Variants in PTPN3 observed in about 807,000 individuals in gnomAD.
PTPN3 encodes protein tyrosine phosphatase non-receptor type 3.
PTPN3 carries 96 observed loss-of-function variants against 132.7 expected under a neutral mutation model. The observed-to-expected ratio is 0.72, with a 90% CI of 0.61 to 0.86. PTPN3 has a LOEUF of 0.86. Ranked by LOEUF, PTPN3 falls within the 40% of genes least tolerant of loss-of-function variation. The pLI, the probability that PTPN3 is intolerant of heterozygous loss-of-function variation, is 0.00. For synonymous variants in PTPN3, 398 were observed against 429.0 expected (o/e 0.93, Z 0.89); for missense variants, 1,125 against 1,159.6 (o/e 0.97, Z 0.43).
upstream of PTPN3, chr9:109,498,362 G>T (rs1847785676): frequency 6.8e-6 from 1 of 146,486 alleles, no homozygotes; most frequent in Admixed American, 6.8e-5. This position sits in a 1 kb window ranked among gnomAD's most constrained non-coding sequence, Gnocchi z 4.2. Context: ...TGGCCGCGAC[G>T]GGCCCGCGCG....
intron 14 of PTPN3, among the ~76,000 whole-genome samples, chr9:109,418,475 C>T (rs1418496088): frequency 6.6e-6 from 1 of 152,234 alleles, no homozygotes; most frequent in South Asian, 2.1e-4. Context: ...TGGTGTGGAG[C>T]GCCCAGACTG....
Position 109,383,456 on chromosome 9 carries a change from A to G in PTPN3, c.2349T>C (p.Tyr783=). The G allele has an allele frequency of 2.5e-6, 4 of 1,614,048 alleles. No individual in the cohort carries two copies. Among genetic ancestry groups the G allele is most frequent in the Non-Finnish European group, 3.4e-6 (4 of 1,179,992 alleles). Reference sequence around the variant, plus strand: ...TTGTGACCAGCATTTCTCGGGACACATAGGCGATGGTGCAGTCCTCTGACT... The same window carrying G: ...TTGTGACCAGCATTTCTCGGGACACGTAGGCGATGGTGCAGTCCTCTGACT... ...QCQSEDCTIA[Y]VSREMLVTNT... Residue 783 remains tyrosine (Y), a synonymous_variant, in exon 23 of 26, where the codon TAT becomes TAC. Transcript: ENST00000374541.
chr9:109,450,171 T>C, intron 5 of PTPN3: 1 of 985,134 alleles, frequency 1.0e-6, no homozygotes, highest in Non-Finnish European at 1.2e-6. Context: ...ACTTTGATTA[T>C]AATTAACTAC....
At chr9:109,397,299 A>G (rs1840683149) in intron 19 of PTPN3, among the ~76,000 whole-genome samples, 1 of 152,252 alleles carries the variant, frequency 6.6e-6, no homozygotes, top group Non-Finnish European at 1.5e-5. Context: ...TGCCTGGCAC[A>G]TAGTAGGTGC....
intron 22 of PTPN3, among the ~76,000 whole-genome samples, chr9:109,388,051 C>A (rs1445069125): frequency 5.3e-5 from 8 of 152,150 alleles, no homozygotes; most frequent in African/African-American, 1.7e-4. Context: ...CGGGGGTGGA[C>A]TCCAGCCAGC....
At chr9:109,422,665 A>C (rs1195196290) in intron 13 of PTPN3, 53 bp downstream of exon 13, 1 of 1,501,072 alleles carries the variant, frequency 6.7e-7, no homozygotes, top group Non-Finnish European at 9.0e-7. Context: ...TTTTTAAAAG[A>C]GATAAAGTGT....
the PTPN3 span, among the ~76,000 whole-genome samples, chr9:109,523,331 G>T: frequency 6.6e-6 from 1 of 152,032 alleles, no homozygotes; most frequent in Non-Finnish European, 1.5e-5. Flanking sequence ...AGCCAGGATG[G>T]TCTCCATCTC....
Position 109,379,443 on chromosome 9 carries a change from G to T in PTPN3, c.*113C>A. On this transcript the variant is annotated 3_prime_UTR_variant, in exon 26 of 26. Coordinates refer to ENST00000374541, the MANE Select transcript of PTPN3 (RefSeq NM_002829.4). ...GTTTAAAGTGCCTGGGTTCAGAGGTGCCCATTCCTTTCCCACAGCTACTGG... is the reference window on the plus strand; with the variant it reads ...GTTTAAAGTGCCTGGGTTCAGAGGTTCCCATTCCTTTCCCACAGCTACTGG... 2.2e-6 allele frequency: 2 copies of T among 899,568 alleles called. No homozygotes were observed. Among genetic ancestry groups the T allele is most frequent in the African/African-American group, 1.6e-5 (1 of 60,638 alleles). The allele number at this position is 899,568 out of a possible 1,614,324, so 55.7% of individuals were successfully genotyped here.
chr9:109,483,611 G>A (rs555994160), intron 1 of PTPN3, among the ~76,000 whole-genome samples: 1 of 152,292 alleles, frequency 6.6e-6, no homozygotes, highest in East Asian at 1.9e-4. Flanking sequence ...TAACTGTGAA[G>A]CCAGACTGTG....
At chr9:109,414,499 G>A (rs1327854567) in intron 14 of PTPN3, among the ~76,000 whole-genome samples, 1 of 152,196 alleles carries the variant, frequency 6.6e-6, no homozygotes, top group Non-Finnish European at 1.5e-5. Flanking sequence ...CCTCACATAA[G>A]GGTCCTTGAG....
intron 5 of PTPN3, among the ~76,000 whole-genome samples, chr9:109,453,536 C>T (rs575701295): frequency 5.9e-5 from 9 of 152,272 alleles, no homozygotes; most frequent in African/African-American, 1.4e-4. Context: ...CTAGAAAAAC[C>T]CCAGTACCAG....
chr9:109,380,108 C>T (rs1226788870), intron 25 of PTPN3, among the ~76,000 whole-genome samples: 5 of 152,196 alleles, frequency 3.3e-5, no homozygotes. Flanking sequence ...CTGAAAGATG[C>T]TCTGCAGGAT....
intron 10 of PTPN3, among the ~76,000 whole-genome samples, chr9:109,429,858 T>C (rs997080174): frequency 6.6e-6 from 1 of 152,190 alleles, no homozygotes; most frequent in African/African-American, 2.4e-5. Context: ...TTTGGGGAAA[T>C]GAAGGAATTT....
upstream of PTPN3, among the ~76,000 whole-genome samples, chr9:109,502,203 T>C (rs1847871708): frequency 6.6e-6 from 1 of 152,218 alleles, no homozygotes; most frequent in African/African-American, 2.4e-5. Context: ...TGCCAGGCAC[T>C]GTATGCAGGC....
At chr9:109,423,330 C>G (rs1843009782) in intron 12 of PTPN3, among the ~76,000 whole-genome samples, 2 of 152,204 alleles carry the variant, frequency 1.3e-5, no homozygotes, top group Admixed American at 1.3e-4. Context: ...TCAAACTGGG[C>G]ACAGTGGCTC....
upstream of PTPN3, among the ~76,000 whole-genome samples, chr9:109,498,869 C>G: frequency 6.6e-6 from 1 of 152,212 alleles, no homozygotes; most frequent in East Asian, 1.9e-4. The surrounding 1 kb of genome is among the most constrained non-coding windows in gnomAD (Gnocchi z 4.2). Flanking sequence ...TGGCGCCCGC[C>G]TTTCCCTCTG....
Position 109,438,246 on chromosome 9 carries a change from G to T in PTPN3, c.467-12C>A. The T allele has an allele frequency of 6.2e-7, 1 of 1,603,998 alleles. No individual in the cohort carries two copies. The highest frequency in any genetic ancestry group is 1.1e-5 in the South Asian group (1 of 88,794). ...GTCTCCAAAATGAGCTATCAAGACA[G>T]AAGAAGGGGAAAATCATAATTAGTT... On this transcript the variant is annotated splice_polypyrimidine_tract_variant and intron_variant, in intron 7 of 25. Transcript: ENST00000374541.
chr9:109,379,665 T>C, intron 25 of PTPN3, 32 bp from the exon 26 acceptor site: 11 of 1,567,400 alleles, frequency 7.0e-6, no homozygotes, highest in Middle Eastern at 1.7e-4. Flanking sequence ...TCAAGTCCTG[T>C]AGCTCCAGGA....
chr9:109,420,891 G>A (rs1015903198), intron 13 of PTPN3, among the ~76,000 whole-genome samples: 3 of 152,154 alleles, frequency 2.0e-5, no homozygotes, highest in African/African-American at 7.2e-5. Context: ...ATTGACTTAA[G>A]GGTAAGTTAT....
Sources: allele counts gnomAD v4.1 joint callset (sites outside exome capture counted in the v4.1 genomes callset), GRCh38; gene constraint gnomAD v4.1.1; non-coding constraint Gnocchi (gnomAD v3.1); transcripts MANE v1.5; gene names NCBI Gene and HGNC (gene_info 2026-07-23, HGNC 2026-07-21).